The following SCML4 variants were observed in gnomAD, a reference collection of about 807,000 sequenced individuals.
The protein encoded by SCML4 is sex comb on midleg-like protein 4.
SCML4 carries 34 observed loss-of-function variants against 41.1 expected under a neutral mutation model. The ratio of observed to expected loss-of-function variants is 0.83; its 90% CI spans 0.63 to 1.10. SCML4 has a LOEUF of 1.10. Ranked by LOEUF, SCML4 falls within the 50% of genes least tolerant of loss-of-function variation. SCML4 has a pLI of 0.00. For synonymous variants in SCML4, 214 were observed against 220.9 expected, an observed-to-expected ratio of 0.97 and a Z score of 0.28; for missense variants, 522 against 534.1, an observed-to-expected ratio of 0.98 and a Z score of 0.22.
chr6:107,705,338 G>T lies in SCML4; in HGVS notation c.1120-13C>A. On this transcript the variant is annotated splice_polypyrimidine_tract_variant and intron_variant, in intron 7 of 7. Transcript: ENST00000369020. ...TGCCATCAATCTCCTGGTGGGATAG[G>T]ATCAGAAGAAAGATAAACCCAGAAG... The T allele has an allele frequency of 1.9e-6, 3 of 1,551,144 alleles. No individual in the cohort carries two copies. Among genetic ancestry groups the T allele is most frequent in the South Asian group, 2.4e-5 (2 of 84,022 alleles).
intron 6 of SCML4, among the ~76,000 whole-genome samples, chr6:107,711,568 T>C (rs1353996199): frequency 1.3e-5 from 2 of 152,206 alleles, no homozygotes; most frequent in Admixed American, 1.3e-4. Flanking sequence ...AAGGATGCAT[T>C]TCCCAGAATG....
Position 107,772,882 on chromosome 6 carries a change from A to G in SCML4, c.-59-496T>C, listed in dbSNP as rs567988311. On this transcript the variant is annotated intron_variant, in intron 1 of 7. Transcript: ENST00000369020. ...TTAAATTGATCAAATCAATTGTATG[A>G]AAGTTGATGATGTCCTTGTATCAAA... Among the ~76,000 whole-genome samples, 29 of 152,352 alleles carry G rather than the reference A, an allele frequency of 1.9e-4. No homozygotes were observed. In the South Asian group the frequency reaches 6.0e-3, roughly 32 times the overall value.
intron 6 of SCML4, among the ~76,000 whole-genome samples, chr6:107,712,141 G>T (rs1159815046): frequency 6.6e-6 from 1 of 152,072 alleles, no homozygotes; most frequent in African/African-American, 2.4e-5. Flanking sequence ...CTCAACATGG[G>T]GACGAGGAAT....
At chr6:107,823,969 C>T (rs765924971) in intron 1 of SCML4, among the ~76,000 whole-genome samples, 157 bp downstream of exon 1, 1 of 152,232 alleles carries the variant, frequency 6.6e-6, no homozygotes, top group Non-Finnish European at 1.5e-5. Context: ...AGTTTACCTA[C>T]TGGACTCAGT....
chr6:107,741,926 T>C (rs1248575934), intron 5 of SCML4, among the ~76,000 whole-genome samples: 4 of 152,134 alleles, frequency 2.6e-5, no homozygotes, highest in Non-Finnish European at 5.9e-5. Flanking sequence ...TCTCCCTAAA[T>C]GGGCAAGGCA....
chr6:107,832,087 A>T, the SCML4 span, among the ~76,000 whole-genome samples: 2 of 151,184 alleles, frequency 1.3e-5, no homozygotes, highest in Non-Finnish European at 2.9e-5. Context: ...AAAGAAAGAA[A>T]AATTAGCCCG....
At chr6:107,817,243 A>T (rs1392770190) in intron 1 of SCML4, among the ~76,000 whole-genome samples, 5 of 152,144 alleles carry the variant, frequency 3.3e-5, no homozygotes, top group Non-Finnish European at 5.9e-5. Flanking sequence ...ATGAATAAGA[A>T]CTCAATTTCT....
chr6:107,799,150 C>T (rs1272146956), intron 1 of SCML4, among the ~76,000 whole-genome samples: 1 of 152,200 alleles, frequency 6.6e-6, no homozygotes, highest in East Asian at 1.9e-4. Flanking sequence ...GTTACTAAAA[C>T]TGCAGTGTTA....
intron 5 of SCML4, among the ~76,000 whole-genome samples, chr6:107,732,711 C>A (rs889073166): frequency 3.9e-5 from 6 of 152,134 alleles, no homozygotes; most frequent in African/African-American, 1.4e-4. Flanking sequence ...CGCAGCTTTG[C>A]CAAACCTCCA....
the SCML4 span, among the ~76,000 whole-genome samples, chr6:107,831,919 T>C: frequency 7.2e-5 from 11 of 151,748 alleles, no homozygotes; most frequent in Non-Finnish European, 1.0e-4. Context: ...CAAAATTAGC[T>C]GGGCATGGTG....
intron 1 of SCML4, among the ~76,000 whole-genome samples, chr6:107,779,192 T>TAAAC (rs1687204382): frequency 6.6e-6 from 1 of 150,698 alleles, no homozygotes. Context: ...AATAAATAAA[T>TAAAC]AAATAAATAA....
chr6:107,828,047 T>C (rs1229716739), upstream of SCML4, among the ~76,000 whole-genome samples: 1 of 152,224 alleles, frequency 6.6e-6, no homozygotes, highest in Non-Finnish European at 1.5e-5. Context: ...TCCCATTTTG[T>C]ATCCCATTTA....
At chr6:107,709,830 C>T (rs1158343202) in intron 6 of SCML4, among the ~76,000 whole-genome samples, 2 of 152,212 alleles carry the variant, frequency 1.3e-5, no homozygotes, top group East Asian at 3.8e-4. Flanking sequence ...CCTGCCTCAG[C>T]CTTCCAAGTA....
At chr6:107,792,549 G>T (rs1782411268) in intron 1 of SCML4, among the ~76,000 whole-genome samples, 1 of 152,060 alleles carries the variant, frequency 6.6e-6, no homozygotes, top group South Asian at 2.1e-4. Context: ...GGCCAACATG[G>T]TGAAACCCCA....
At chr6:107,837,144 T>A in the SCML4 span, among the ~76,000 whole-genome samples, 1 of 152,340 alleles carries the variant, frequency 6.6e-6, no homozygotes, top group East Asian at 1.9e-4. Context: ...ATGGCACATA[T>A]ATCCAGTAGG....
chr6:107,769,485 A>G (rs555298614), intron 2 of SCML4, among the ~76,000 whole-genome samples: 1 of 152,350 alleles, frequency 6.6e-6, no homozygotes, highest in Admixed American at 6.5e-5. Context: ...TGATTGACAG[A>G]GCAGCTGGGG....
intron 5 of SCML4, among the ~76,000 whole-genome samples, chr6:107,731,627 T>C (rs1353569841): frequency 6.6e-6 from 1 of 152,176 alleles, no homozygotes; most frequent in African/African-American, 2.4e-5. Flanking sequence ...CCTTTGCCGG[T>C]CTGCCCAGCC....
At chr6:107,705,536 T>C (rs987037837) in intron 7 of SCML4, among the ~76,000 whole-genome samples, 6 of 152,204 alleles carry the variant, frequency 3.9e-5, no homozygotes, top group African/African-American at 1.4e-4. Context: ...CTGGAGTCAT[T>C]TGATACACGG....
At chr6:107,747,904 C>T (rs995092679) in intron 3 of SCML4, among the ~76,000 whole-genome samples, 2 of 152,170 alleles carry the variant, frequency 1.3e-5, no homozygotes, top group African/African-American at 4.8e-5. Flanking sequence ...CAACCCCCAA[C>T]TACCTATGCC....
Sources: gnomAD v4.1 joint callset for allele counts (sites outside exome capture counted in the v4.1 genomes callset) on GRCh38, gnomAD v4.1.1 for gene constraint, MANE v1.5 for transcripts, NCBI Gene and HGNC (gene_info 2026-07-23, HGNC 2026-07-21) for gene names.